GRM1: variants seen among roughly 807,000 people sequenced by gnomAD.
The protein encoded by GRM1 is metabotropic glutamate receptor 1.
Under a neutral mutation model 90.9 loss-of-function variants are expected in GRM1, and 33 were observed. The observed-to-expected ratio is 0.36, with a 90% CI of 0.28 to 0.49. The LOEUF (loss-of-function observed/expected upper bound fraction) is 0.49. Among genes scored for constraint, GRM1 ranks in the 20% least tolerant of loss-of-function variants. GRM1 has a pLI of 0.99. For synonymous variants in GRM1, 700 were observed against 613.2 expected, an observed-to-expected ratio of 1.14 and a Z score of -2.09; for missense variants, 1,190 against 1,534.3, an observed-to-expected ratio of 0.78 and a Z score of 3.75.
intron 1 of GRM1, among the ~76,000 whole-genome samples, chr6:146,156,760 C>G (rs543316338): frequency 6.6e-6 from 1 of 152,120 alleles, no homozygotes; most frequent in Admixed American, 6.5e-5. Context: ...GAGGCTGAAA[C>G]AGAGGAGAGA....
At chr6:146,199,554 A>T (rs767538418) in intron 2 of GRM1, among the ~76,000 whole-genome samples, 5 of 152,100 alleles carry the variant, frequency 3.3e-5, no homozygotes, top group Non-Finnish European at 4.4e-5. Flanking sequence ...TTAGTATATC[A>T]TCTCTTTCCT....
At chr6:146,168,980 A>G (rs1361939563) in intron 2 of GRM1, among the ~76,000 whole-genome samples, 14 of 152,090 alleles carry the variant, frequency 9.2e-5, no homozygotes, top group Admixed American at 9.2e-4. Context: ...ATTAAGTGTG[A>G]TCAAATTTGG....
At chr6:146,409,508 A>G (rs1777481313) in intron 7 of GRM1, among the ~76,000 whole-genome samples, 1 of 152,152 alleles carries the variant, frequency 6.6e-6, no homozygotes, top group Non-Finnish European at 1.5e-5. Flanking sequence ...ATGCCTCTCC[A>G]TTGCCTCGGG....
chr6:146,334,041 T>A (rs1349683598), intron 3 of GRM1, among the ~76,000 whole-genome samples: 1 of 152,200 alleles, frequency 6.6e-6, no homozygotes, highest in East Asian at 1.9e-4. Flanking sequence ...TCTGCATGAC[T>A]CTTCCAGCAC....
intron 1 of GRM1, among the ~76,000 whole-genome samples, chr6:146,099,658 AT>A (rs1226902476): frequency 7.9e-5 from 12 of 152,146 alleles, no homozygotes; most frequent in African/African-American, 2.9e-4. Flanking sequence ...ATTTATATGT[AT>A]TCTTTTGTGG....
intron 2 of GRM1, among the ~76,000 whole-genome samples, chr6:146,278,334 G>A (rs949829570): frequency 2.0e-5 from 3 of 152,142 alleles, no homozygotes; most frequent in Admixed American, 6.5e-5. Flanking sequence ...GCATACTACT[G>A]GATGTGGCAT....
chr6:146,411,172 T>C (rs908025502), intron 7 of GRM1, among the ~76,000 whole-genome samples: 4 of 152,148 alleles, frequency 2.6e-5, no homozygotes, highest in African/African-American at 9.7e-5. Flanking sequence ...ACGGGTGTTA[T>C]GGGAGTGTTA....
At chr6:146,367,909 A>G (rs1435354582) in intron 5 of GRM1, among the ~76,000 whole-genome samples, 3 of 151,972 alleles carry the variant, frequency 2.0e-5, no homozygotes, top group African/African-American at 7.3e-5. Flanking sequence ...GAAGATTGCT[A>G]TTGGTATTTT....
intron 1 of GRM1, among the ~76,000 whole-genome samples, chr6:146,116,909 T>C (rs1000889435): frequency 1.1e-4 from 17 of 152,028 alleles, no homozygotes; most frequent in African/African-American, 4.1e-4. Flanking sequence ...CACTTGACTA[T>C]CTTTACCATA....
intron 3 of GRM1, among the ~76,000 whole-genome samples, chr6:146,324,710 G>T (rs1309165498): frequency 6.6e-6 from 1 of 152,064 alleles, no homozygotes; most frequent in African/African-American, 2.4e-5. Context: ...TCCCAGGTAA[G>T]GCAATGCCCC....
At position 146,419,239 on chromosome 6, in the gene GRM1, G is replaced by T. The variant is rs1392472321; in HGVS notation, c.2661-14633G>T. ...ATTAAGATATCATTTTACAATCCTT[G>T]GTTTGGCAAAAATTAAGAAATAAAG... On this transcript the variant is annotated intron_variant, in intron 7 of 7. Coordinates refer to ENST00000282753, the MANE Select transcript of GRM1 (RefSeq NM_001278064.2). 2.0e-5 allele frequency among the ~76,000 whole-genome samples: 3 copies of T among 152,204 alleles called. No homozygotes were observed. In the South Asian group the frequency reaches 6.2e-4, roughly 32 times the overall value.
At chr6:146,347,174 A>T (rs2115029841) in intron 3 of GRM1, among the ~76,000 whole-genome samples, 1 of 152,358 alleles carries the variant, frequency 6.6e-6, no homozygotes, top group Non-Finnish European at 1.5e-5. Flanking sequence ...ACAACTCAGA[A>T]CAAACAAACA....
intron 1 of GRM1, among the ~76,000 whole-genome samples, chr6:146,104,794 T>A (rs570785051): frequency 6.6e-6 from 1 of 152,330 alleles, no homozygotes; most frequent in South Asian, 2.1e-4. Context: ...CAGGTTCATC[T>A]GAGAAAAAAG....
chr6:146,043,129 A>G (rs1562423771), intron 1 of GRM1, among the ~76,000 whole-genome samples: 1 of 149,384 alleles, frequency 6.7e-6, no homozygotes, highest in African/African-American at 2.5e-5. Context: ...CCCCATCTCT[A>G]AAAAAAAAAT....
chr6:146,065,132 A>G (rs1357965699), intron 1 of GRM1, among the ~76,000 whole-genome samples: 3 of 152,184 alleles, frequency 2.0e-5, no homozygotes, highest in African/African-American at 7.2e-5. Context: ...CTAAACAACT[A>G]CTTTAAATGC....
chr6:146,431,037 A>G (rs955132340), intron 7 of GRM1, among the ~76,000 whole-genome samples: 1 of 152,226 alleles, frequency 6.6e-6, no homozygotes, highest in Non-Finnish European at 1.5e-5. Flanking sequence ...ACTCATCTTG[A>G]AGAACTAAAG....
chr6:146,130,270 TTC>T (rs1776350365), intron 1 of GRM1, among the ~76,000 whole-genome samples: 2 of 144,430 alleles, frequency 1.4e-5, no homozygotes, highest in Admixed American at 6.8e-5. Context: ...CCTTCCTTCT[TTC>T]TTTCTTTCGT....
chr6:146,249,485 G>A (rs113574582), intron 2 of GRM1, among the ~76,000 whole-genome samples: 30 of 152,298 alleles, frequency 2.0e-4, no homozygotes, highest in African/African-American at 6.7e-4. Context: ...CAGGCCACAA[G>A]CCTTGGTTGT....
chr6:146,281,142 G>A (rs915589950), intron 2 of GRM1, among the ~76,000 whole-genome samples: 10 of 152,136 alleles, frequency 6.6e-5, no homozygotes, highest in Non-Finnish European at 5.9e-5. Context: ...CATTAGCACT[G>A]CTTTTCTACC....
Sources: gnomAD v4.1 joint callset for allele counts (sites outside exome capture counted in the v4.1 genomes callset) on GRCh38, gnomAD v4.1.1 for gene constraint, MANE v1.5 for transcripts, NCBI Gene and HGNC (gene_info 2026-07-23, HGNC 2026-07-21) for gene names.